CCDC91: variants seen among roughly 807,000 people sequenced by gnomAD.
CCDC91 encodes the protein coiled-coil domain-containing protein 91.
Under a neutral mutation model 63.2 loss-of-function variants are expected in CCDC91, and 48 were observed. The ratio of observed to expected loss-of-function variants is 0.76; its 90% CI spans 0.60 to 0.97. The LOEUF (loss-of-function observed/expected upper bound fraction) is 0.97, where lower values mean the gene tolerates loss of function less well. Among genes scored for constraint, CCDC91 ranks in the 50% least tolerant of loss-of-function variants. The probability of loss-of-function intolerance (pLI) is 0.00; values close to 1 mark genes in which losing one functional copy is unlikely to be tolerated. For missense variants in CCDC91, 500 were observed against 494.6 expected, an observed-to-expected ratio of 1.01 and a Z score of -0.10; for synonymous variants, 167 against 165.8, an observed-to-expected ratio of 1.01 and a Z score of -0.06.
intron 1 of CCDC91, among the ~76,000 whole-genome samples, chr12:28,253,383 T>G (rs1946248979): frequency 6.6e-6 from 1 of 152,214 alleles, no homozygotes; most frequent in Admixed American, 6.5e-5. Flanking sequence ...TGTTGATATC[T>G]TCCTGCCTGG....
chr12:28,277,374 A>G (rs1210190462), intron 3 of CCDC91, among the ~76,000 whole-genome samples: 3 of 152,044 alleles, frequency 2.0e-5, no homozygotes, highest in East Asian at 1.9e-4. Context: ...TTTTAAAATT[A>G]TATTGACTTT....
chr12:28,224,081 GTGGT>G (rs893924124), intron 1 of CCDC91, among the ~76,000 whole-genome samples: 3 of 152,158 alleles, frequency 2.0e-5, no homozygotes, highest in Non-Finnish European at 4.4e-5. Context: ...GTTTCTGTGG[GTGGT>G]TGGTTGTTTT....
intron 12 of CCDC91, among the ~76,000 whole-genome samples, chr12:28,497,252 A>G (rs1952353280): frequency 6.6e-6 from 1 of 151,388 alleles, no homozygotes; most frequent in African/African-American, 2.4e-5. Context: ...CTTGCTATTG[A>G]ACCTGTTATC....
chr12:28,487,244 A>G (rs187996903), intron 12 of CCDC91, among the ~76,000 whole-genome samples: 1 of 151,966 alleles, frequency 6.6e-6, no homozygotes, highest in East Asian at 1.9e-4. Flanking sequence ...CATATTTTTA[A>G]TATTTGAATG....
chr12:28,437,840 G>C (rs1444802599), intron 8 of CCDC91, among the ~76,000 whole-genome samples: 1 of 151,842 alleles, frequency 6.6e-6, no homozygotes, highest in African/African-American at 2.4e-5. Context: ...CCTGAAACTG[G>C]TTTTGTGTCT....
intron 12 of CCDC91, among the ~76,000 whole-genome samples, chr12:28,541,521 T>G (rs914593652): frequency 1.5e-4 from 23 of 152,126 alleles, no homozygotes; most frequent in Admixed American, 7.2e-4. Flanking sequence ...TGACAGATAT[T>G]GTTCTTTAGA....
At chr12:28,380,723 A>C (rs545564663) in intron 7 of CCDC91, among the ~76,000 whole-genome samples, 1 of 152,258 alleles carries the variant, frequency 6.6e-6, no homozygotes, top group African/African-American at 2.4e-5. Context: ...CTGATTATAC[A>C]GTAGCATTTG....
chr12:28,236,168 T>A (rs1455245948), intron 1 of CCDC91: 15 of 152,100 alleles, frequency 9.9e-5, no homozygotes, highest in African/African-American at 3.6e-4. Flanking sequence ...TGATATCAAA[T>A]GAACATAATT....
chr12:28,388,635 G>A (rs1945751609), intron 7 of CCDC91, among the ~76,000 whole-genome samples: 1 of 152,152 alleles, frequency 6.6e-6, no homozygotes, highest in African/African-American at 2.4e-5. Flanking sequence ...TACATCCCAT[G>A]CTCGTGGAAG....
At chr12:28,506,313 T>C (rs1938708229) in intron 12 of CCDC91, among the ~76,000 whole-genome samples, 1 of 151,816 alleles carries the variant, frequency 6.6e-6, no homozygotes, top group Non-Finnish European at 1.5e-5. Flanking sequence ...TAATGAAAAA[T>C]AAACTGGCCA....
intron 3 of CCDC91, among the ~76,000 whole-genome samples, chr12:28,294,728 G>C (rs923670659): frequency 6.6e-6 from 1 of 152,060 alleles, no homozygotes; most frequent in African/African-American, 2.4e-5. Context: ...GGGATTACAG[G>C]CAGGTGCCAC....
intron 12 of CCDC91, among the ~76,000 whole-genome samples, chr12:28,499,611 T>A (rs1218549993): frequency 1.3e-5 from 2 of 151,932 alleles, no homozygotes; most frequent in Non-Finnish European, 2.9e-5. Context: ...CAGTATTTGG[T>A]TTTCTGTTCT....
chr12:28,327,266 A>G lies in CCDC91; in HGVS notation c.576+19517A>G, dbSNP rs1402630259. Among the ~76,000 whole-genome samples, 4 of 152,144 alleles carry G rather than the reference A, an allele frequency of 2.6e-5. No homozygotes were observed. In the East Asian group the frequency reaches 7.7e-4, roughly 29 times the overall value. On this transcript the variant is annotated intron_variant, in intron 6 of 12. Coordinates refer to ENST00000536442, the MANE Select transcript of CCDC91 (RefSeq NM_018318.5). ...CAGCCTGTAAAATTGAGCTGCAGAC[A>G]TAGACAAGCAAGCTGGAAGCTTGCA...
At chr12:28,210,649 T>G (rs1943170896) in intron 1 of CCDC91, among the ~76,000 whole-genome samples, 1 of 152,166 alleles carries the variant, frequency 6.6e-6, no homozygotes, top group Non-Finnish European at 1.5e-5. Flanking sequence ...ATAGGACTCT[T>G]TAATAAAAGT....
intron 3 of CCDC91, among the ~76,000 whole-genome samples, chr12:28,287,652 C>T (rs868296450): frequency 6.6e-6 from 1 of 152,044 alleles, no homozygotes. Flanking sequence ...CATAATGCCT[C>T]CAGTTTTGTT....
intron 1 of CCDC91, among the ~76,000 whole-genome samples, chr12:28,210,714 G>A (rs920804119): frequency 6.6e-6 from 1 of 151,970 alleles, no homozygotes; most frequent in Non-Finnish European, 1.5e-5. Context: ...TGATATTTTT[G>A]TGTTTAAAGA....
intron 12 of CCDC91, among the ~76,000 whole-genome samples, chr12:28,489,322 T>A (rs1278697565): frequency 6.6e-6 from 1 of 151,884 alleles, no homozygotes; most frequent in Admixed American, 6.6e-5. Flanking sequence ...TTTTATTTTA[T>A]AAATGGAGAT....
intron 6 of CCDC91, among the ~76,000 whole-genome samples, chr12:28,313,844 A>G (rs975617537): frequency 5.3e-5 from 8 of 151,796 alleles, no homozygotes; most frequent in African/African-American, 1.9e-4. Context: ...TGAATAGAGA[A>G]CTCCTCATTT....
rs1331575900 is a variant in CCDC91 at position 28,503,046 on chromosome 12, C to T, written c.1215+18881C>T. The stretch of plus-strand genomic sequence containing the variant: ...GGGCAAGGACTTCATATTTAAAACA[C>T]CAAAAGCAATGGCAACAAAAGCCAA... On this transcript the variant is annotated intron_variant, in intron 12 of 12. Transcript: ENST00000536442. 3.9e-5 allele frequency among the ~76,000 whole-genome samples: 6 copies of T among 152,074 alleles called. No individual in the cohort carries two copies. The East Asian group carries it at 1.2e-3, about 29-fold the overall frequency.
Sources: allele counts gnomAD v4.1 joint callset (sites outside exome capture counted in the v4.1 genomes callset), GRCh38; gene constraint gnomAD v4.1.1; transcripts MANE v1.5; gene names NCBI Gene and HGNC (gene_info 2026-07-23, HGNC 2026-07-21).